The following ZNF43 variants were observed in gnomAD, a reference collection of about 807,000 sequenced individuals.
ZNF43 encodes zinc finger protein 39-like 1 (KOX 27).
A neutral mutation model predicts 68.4 loss-of-function variants in ZNF43; 44 were observed. The observed-to-expected ratio is 0.64, with a 90% CI of 0.51 to 0.83. The LOEUF (loss-of-function observed/expected upper bound fraction) is 0.83, where lower values mean the gene tolerates loss of function less well. ZNF43 is among the 40% of genes least tolerant of loss of function. ZNF43 has a pLI of 0.00. For synonymous variants in ZNF43, 308 were observed against 307.8 expected (o/e 1.00, Z -0.01); for missense variants, 896 against 933.2 (o/e 0.96, Z 0.52).
chr19:21,839,479 A>T (rs1967367188), upstream of ZNF43: 1 of 152,172 alleles, frequency 6.6e-6, no homozygotes, highest in Non-Finnish European at 1.5e-5. Context: ...GTTACAGTCC[A>T]AACTGTGAAC....
At chr19:21,836,396 C>T (rs115137318), upstream of ZNF43, among the ~76,000 whole-genome samples, 2 of 152,236 alleles carry the variant, frequency 1.3e-5, no homozygotes, top group Admixed American at 1.3e-4. Flanking sequence ...CTGAGCAGAG[C>T]AGGCCCAACC....
intron 1 of ZNF43, among the ~76,000 whole-genome samples, 175 bp downstream of exon 1, chr19:21,835,861 G>A (rs986122532): frequency 2.0e-5 from 3 of 152,210 alleles, no homozygotes; most frequent in Non-Finnish European, 2.9e-5. Flanking sequence ...GCGCAGAGAA[G>A]AGACAGGACG....
chr19:21,820,175 G>A (rs2037728149), intron 1 of ZNF43, among the ~76,000 whole-genome samples: 1 of 59,812 alleles, frequency 1.7e-5, no homozygotes, highest in Non-Finnish European at 3.1e-5. Flanking sequence ...TTCCAGCCTG[G>A]GTCAAAGAGC....
intron 1 of ZNF43, among the ~76,000 whole-genome samples, chr19:21,824,085 A>G (rs934635154): frequency 2.0e-5 from 3 of 152,010 alleles, no homozygotes; most frequent in African/African-American, 7.2e-5. Context: ...GCTACTCTGG[A>G]GGCTGAGGGA....
Position 21,805,476 on chromosome 19 carries a change from C to G in ZNF43, c.*2131G>C, listed in dbSNP as rs1474165706. 1 of 148,540 alleles carries G rather than the reference C, an allele frequency of 6.7e-6. No homozygotes were observed. The highest frequency in any genetic ancestry group is 1.5e-5 in the Non-Finnish European group (1 of 67,204). The allele number at this position is 148,540 out of a possible 1,614,324, so 9.2% of individuals were successfully genotyped here. On this transcript the variant is annotated 3_prime_UTR_variant, in exon 4 of 4. Transcript: ENST00000354959. ...GAGACTCCATCTCCAAAAAAAAACC[C>G]AAACAAGTAGTGGGCGCCTGTGGTC...
chr19:21,805,825 T>C lies in ZNF43; in HGVS notation c.*1782A>G, dbSNP rs1184750060. On this transcript the variant is annotated 3_prime_UTR_variant, in exon 4 of 4. Transcript: ENST00000354959. ...TAGATTAATAGAAATGTTAGTCCAT[T>C]ATGTTACCAAATAGTATATTGTTAC... 6.6e-6 allele frequency: 1 copy of C among 152,120 alleles called. No homozygotes were observed. The highest frequency in any genetic ancestry group is 1.9e-4 in the East Asian group (1 of 5,198). 9.4% of individuals were successfully genotyped at this position (152,120 alleles called of 1,614,324 possible).
chr19:21,808,702 G>A lies in ZNF43; in HGVS notation c.1335C>T (p.Asn445=), dbSNP rs780200433. 3.8e-6 allele frequency: 6 copies of A among 1,593,920 alleles called. No individual in the cohort carries two copies. The highest frequency in any genetic ancestry group is 2.3e-5 in the East Asian group (1 of 43,902). Residue 445 remains asparagine (N), a synonymous_variant, in exon 4 of 4, where the codon AAC becomes AAT. Transcript: ENST00000354959. ...FNWPSTLTKH[N]RIHTGEKPYK... ...AGGGTTTCTCTCCAGTATGAATTCT[G>A]TTATGTTTAGTAAGGGTTGAGGGCC... is the stretch of plus-strand genomic sequence containing the variant.
At chr19:21,844,150 A>G (rs1474203639) in intron 1 of ZNF43, among the ~76,000 whole-genome samples, 2 of 151,962 alleles carry the variant, frequency 1.3e-5, no homozygotes, top group Admixed American at 6.6e-5. Flanking sequence ...CAGGTGGATC[A>G]TGAGGTCAGT....
chr19:21,821,274 T>C (rs1368095312), intron 1 of ZNF43, among the ~76,000 whole-genome samples: 2 of 151,376 alleles, frequency 1.3e-5, no homozygotes, highest in South Asian at 2.1e-4. Context: ...GCCTCCAGAG[T>C]AGCTGGGACT....
chr19:21,808,923 A>C lies in ZNF43; in HGVS notation c.1114T>G (p.Cys372Gly). The change falls in exon 4 of 4, where the codon TGT (cysteine) becomes GGT (glycine). Residue 372 changes from cysteine to glycine, a missense_variant. Physicochemically the swap from Cys to Gly is radical, Grantham distance 159. Transcript: ENST00000354959. ...CTAAAAGCTTCACCACATTCTGTAC[A>C]TTTATAGAATTTCTCTGCAGTATGG... ...RIHTAEKFYK[C>G]TECGEAFSRS... 6.2e-7 allele frequency: 1 copy of C among 1,613,408 alleles called. No homozygotes were observed. The highest frequency in any genetic ancestry group is 8.5e-7 in the Non-Finnish European group (1 of 1,179,788).
intron 1 of ZNF43, among the ~76,000 whole-genome samples, chr19:21,835,101 T>C (rs2038636284): frequency 6.7e-6 from 1 of 149,856 alleles, no homozygotes; most frequent in South Asian, 2.1e-4. Flanking sequence ...CAAAAAAAAT[T>C]AGCTGGGTGT....
chr19:21,830,418 G>T (rs1160434474), intron 1 of ZNF43, among the ~76,000 whole-genome samples: 1 of 151,660 alleles, frequency 6.6e-6, no homozygotes, highest in Non-Finnish European at 1.5e-5. Flanking sequence ...AACACGATTA[G>T]AAATGACAAA....
chr19:21,841,724 T>A (rs995506703), intron 1 of ZNF43: 2 of 152,206 alleles, frequency 1.3e-5, no homozygotes, highest in Non-Finnish European at 2.9e-5. Flanking sequence ...GAGAGTGATA[T>A]CACCTAGATA....
intron 1 of ZNF43, among the ~76,000 whole-genome samples, chr19:21,828,091 A>G (rs1315593267): frequency 3.9e-5 from 6 of 152,220 alleles, no homozygotes; most frequent in Non-Finnish European, 8.8e-5. Flanking sequence ...ATATTGGATA[A>G]ATTAATAAGC....
Position 21,807,681 on chromosome 19 carries a change from C to T in ZNF43, c.2356G>A (p.Gly786Arg). The change falls in exon 4 of 4, where the codon GGA (glycine) becomes AGA (arginine). Residue 786 changes from glycine to arginine, a missense_variant. Gly to Arg is a moderately radical substitution (Grantham distance 125). Transcript: ENST00000354959. Reference sequence around the variant, plus strand: ...TCTTCAGGTTTGTAGAGTTTCTCTCCAGTATGAATTTTGTTATGTGTAGTA... The same window carrying T: ...TCTTCAGGTTTGTAGAGTTTCTCTCTAGTATGAATTTTGTTATGTGTAGTA... ...NLTTHNKIHT[G>R]EKLYKPEDVT... 6.2e-7 allele frequency: 1 copy of T among 1,606,910 alleles called. No homozygotes were observed. The highest frequency in any genetic ancestry group is 8.5e-7 in the Non-Finnish European group (1 of 1,176,436).
In ZNF43 at chr19:21,809,726, T is replaced by C. The variant is rs1400973568; in HGVS notation, c.311A>G (p.Tyr104Cys). 3 of 1,612,262 alleles carry C rather than the reference T, an allele frequency of 1.9e-6. No individual in the cohort carries two copies. Among genetic ancestry groups the C allele is most frequent in the Middle Eastern group, 1.7e-4 (1 of 6,052 alleles). The change falls in exon 4 of 4, where the codon TAT becomes TGT. Residue 104 changes from tyrosine to cysteine, a missense_variant. By Grantham distance (194) the Tyr-to-Cys change is radical. Transcript: ENST00000354959. ...TACATTTTTATGTTCACAGTTTTTA[T>C]ATCTTCTCAGTGTCGCTTTTTGGAA... ...DPFQKATLRRYKNCEHKNVHL... is the reference protein window; with the variant it reads ...DPFQKATLRRCKNCEHKNVHL...
At chr19:21,848,647 G>A (rs749395773) in intron 1 of ZNF43, among the ~76,000 whole-genome samples, 4 of 152,146 alleles carry the variant, frequency 2.6e-5, no homozygotes, top group Non-Finnish European at 4.4e-5. Context: ...CCTTTGGGCT[G>A]GGACCAGACA....
At position 21,852,022 on chromosome 19, in the gene ZNF43, G is replaced by A. The variant is rs1263478061; in HGVS notation, c.-88C>T. 7 of 1,442,952 alleles carry A rather than the reference G, an allele frequency of 4.9e-6. No individual in the cohort carries two copies. The East Asian group carries it at 1.3e-4, about 27-fold the overall frequency. The allele number at this position is 1,442,952 out of a possible 1,614,324, so 89.4% of individuals were successfully genotyped here. A position where few individuals can be genotyped will look rare whatever the true frequency, so the allele number is the denominator to read the frequency against. On this transcript the variant is annotated 5_prime_UTR_variant, in exon 1 of 4. Coordinates refer to the ZNF43 transcript ENST00000357491. Reference sequence around the variant, plus strand: ...CGGGGATTCCCGAGTTGGAGAACGCGGAAAAGCAGAGGCGGGTCCCAAGGT... The same window carrying A: ...CGGGGATTCCCGAGTTGGAGAACGCAGAAAAGCAGAGGCGGGTCCCAAGGT...
Position 21,805,177 on chromosome 19 carries a change from C to T in ZNF43, c.*2430G>A, listed in dbSNP as rs1031272719. On this transcript the variant is annotated 3_prime_UTR_variant, in exon 4 of 4. Coordinates refer to ENST00000354959, the MANE Select transcript of ZNF43 (RefSeq NM_003423.4). Reference sequence around the variant, plus strand: ...ATGTTATATATTGCATAAATATATACACATTTGGCCAGGTGCAGTGGCTCA... The same window carrying T: ...ATGTTATATATTGCATAAATATATATACATTTGGCCAGGTGCAGTGGCTCA... 7 of 152,038 alleles carry T rather than the reference C, an allele frequency of 4.6e-5. No individual in the cohort carries two copies. Among genetic ancestry groups the T allele is most frequent in the African/African-American group, 1.7e-4 (7 of 41,392 alleles). 9.4% of individuals were successfully genotyped at this position (152,038 alleles called of 1,614,324 possible). A position where few individuals can be genotyped will look rare whatever the true frequency, so the allele number is the denominator to read the frequency against.
Sources: gnomAD v4.1 joint callset for allele counts (sites outside exome capture counted in the v4.1 genomes callset) on GRCh38, gnomAD v4.1.1 for gene constraint, MANE v1.5 for transcripts, NCBI Gene and HGNC (gene_info 2026-07-23, HGNC 2026-07-21) for gene names.